Variants in TSPAN18 observed in about 807,000 individuals in gnomAD.
TSPAN18 encodes the protein tetraspanin 18, also known as tetraspanin-18.
A neutral mutation model predicts 27.3 loss-of-function variants in TSPAN18; 14 were observed. The observed-to-expected ratio is 0.51, with a 90% CI of 0.34 to 0.80. The LOEUF (loss-of-function observed/expected upper bound fraction) is 0.80, where lower values mean the gene tolerates loss of function less well. TSPAN18 is among the 30% of genes least tolerant of loss of function. The pLI, the probability that TSPAN18 is intolerant of heterozygous loss-of-function variation, is 0.01. For synonymous variants in TSPAN18, 143 were observed against 136.5 expected, an observed-to-expected ratio of 1.05 and a Z score of -0.33; for missense variants, 268 against 323.9, an observed-to-expected ratio of 0.83 and a Z score of 1.32.
intron 2 of TSPAN18, among the ~76,000 whole-genome samples, chr11:44,832,685 C>T (rs947475617): frequency 1.7e-4 from 26 of 152,280 alleles, no homozygotes; most frequent in African/African-American, 2.9e-4. Flanking sequence ...GTCGGGCTTC[C>T]GAAGCTGACC....
chr11:44,744,949 G>C (rs1855036388), intron 1 of TSPAN18, among the ~76,000 whole-genome samples: 1 of 152,206 alleles, frequency 6.6e-6, no homozygotes, highest in Non-Finnish European at 1.5e-5. Flanking sequence ...GCAGGAAGGA[G>C]TGCCAAGATC....
intron 1 of TSPAN18, among the ~76,000 whole-genome samples, chr11:44,730,382 C>T (rs1292424605): frequency 6.6e-6 from 1 of 152,148 alleles, no homozygotes; most frequent in African/African-American, 2.4e-5. Flanking sequence ...TCTATTTCAT[C>T]AGCCATTGAG....
chr11:44,765,665 G>A (rs772813067), intron 2 of TSPAN18, among the ~76,000 whole-genome samples: 1 of 152,152 alleles, frequency 6.6e-6, no homozygotes, highest in Non-Finnish European at 1.5e-5. Context: ...TAATGTCATC[G>A]AGATTTGAAG....
chr11:44,900,070 G>T (rs1343819157), intron 3 of TSPAN18, among the ~76,000 whole-genome samples: 1 of 152,208 alleles, frequency 6.6e-6, no homozygotes, highest in Non-Finnish European at 1.5e-5. Flanking sequence ...AGGAAACTGT[G>T]CCGTGAAGTT....
chr11:44,742,733 G>A (rs1244277669), intron 1 of TSPAN18, among the ~76,000 whole-genome samples: 1 of 152,204 alleles, frequency 6.6e-6, no homozygotes, highest in Admixed American at 6.5e-5. Context: ...CCAGCGTGCT[G>A]ACTCAGGCTT....
intron 3 of TSPAN18, among the ~76,000 whole-genome samples, chr11:44,875,117 C>T (rs1027574651): frequency 1.1e-4 from 17 of 152,214 alleles, no homozygotes; most frequent in Non-Finnish European, 2.9e-5. Context: ...GTACATTCTC[C>T]CCCGTGGGGC....
chr11:44,831,927 A>G (rs1857162766), intron 2 of TSPAN18, among the ~76,000 whole-genome samples: 1 of 152,148 alleles, frequency 6.6e-6, no homozygotes, highest in Admixed American at 6.5e-5. Flanking sequence ...GATCCAGGAT[A>G]AGAGGTTCTA....
chr11:44,798,165 A>C (rs1057503765), intron 2 of TSPAN18, among the ~76,000 whole-genome samples: 1 of 152,034 alleles, frequency 6.6e-6, no homozygotes, highest in African/African-American at 2.4e-5. Flanking sequence ...GCCCTCCCAC[A>C]CTCAGCTCTT....
At chr11:44,867,681 G>A (rs995330909) in intron 3 of TSPAN18, among the ~76,000 whole-genome samples, 6 of 152,104 alleles carry the variant, frequency 3.9e-5, no homozygotes, top group African/African-American at 1.2e-4. Context: ...TTACAGGTAC[G>A]AGCCACCACA....
intron 2 of TSPAN18, among the ~76,000 whole-genome samples, chr11:44,849,262 C>A (rs747968575): frequency 2.6e-5 from 4 of 152,126 alleles, no homozygotes; most frequent in Non-Finnish European, 5.9e-5. Flanking sequence ...TTTGTGAGCT[C>A]CCTGTGTTTT....
chr11:44,764,377 C>T (rs940133005), intron 1 of TSPAN18, 49 bp from the exon 2 acceptor site: 12 of 152,184 alleles, frequency 7.9e-5, no homozygotes, highest in African/African-American at 2.9e-4. Context: ...AGGTGGTCCC[C>T]AAGGACTCCT....
At chr11:44,917,809 GGT>G in intron 5 of TSPAN18, 161 bp from the exon 6 acceptor site, 1 of 622,934 alleles carries the variant, frequency 1.6e-6, no homozygotes, top group South Asian at 1.9e-5. Context: ...AGGAATCACT[GGT>G]GTGTTTGTTA....
intron 3 of TSPAN18, among the ~76,000 whole-genome samples, chr11:44,903,055 A>G (rs1859320358): frequency 6.6e-6 from 1 of 151,796 alleles, no homozygotes; most frequent in African/African-American, 2.4e-5. Context: ...GGGCACAGCC[A>G]CGACTCTGCT....
intron 1 of TSPAN18, among the ~76,000 whole-genome samples, chr11:44,752,797 T>C (rs1297433234): frequency 6.6e-6 from 1 of 152,228 alleles, no homozygotes; most frequent in East Asian, 1.9e-4. Flanking sequence ...TGCCTGAATA[T>C]GATGGCTGGA....
chr11:44,872,194 G>T (rs1590610926), intron 3 of TSPAN18, among the ~76,000 whole-genome samples: 1 of 152,136 alleles, frequency 6.6e-6, no homozygotes, highest in South Asian at 2.1e-4. Flanking sequence ...ACCTCCCAAA[G>T]TGCTAGGATT....
At chr11:44,728,040 A>G (rs760679371) in intron 1 of TSPAN18, among the ~76,000 whole-genome samples, 176 of 152,344 alleles carry the variant, frequency 1.2e-3, no homozygotes, top group Non-Finnish European at 2.2e-3. Context: ...GGCCCTCGCC[A>G]GCAGGAAGCG....
chr11:44,736,478 G>T (rs1854797288), intron 1 of TSPAN18: 1 of 152,202 alleles, frequency 6.6e-6, no homozygotes, highest in Non-Finnish European at 1.5e-5. Flanking sequence ...TTTCTTGCTT[G>T]ATGTTTTTCT....
intron 2 of TSPAN18, among the ~76,000 whole-genome samples, chr11:44,840,066 C>T (rs1013511913): frequency 1.8e-4 from 28 of 152,214 alleles, no homozygotes; most frequent in African/African-American, 4.6e-4. Context: ...CTTTGCTCTG[C>T]GCAAAACCAA....
At chr11:44,923,071 T>C (rs1056508655) in intron 8 of TSPAN18, among the ~76,000 whole-genome samples, 3 of 152,126 alleles carry the variant, frequency 2.0e-5, no homozygotes, top group African/African-American at 7.2e-5. Context: ...GTCATGCCAC[T>C]GTGCTTCAGC....
Sources: allele counts gnomAD v4.1 joint callset (sites outside exome capture counted in the v4.1 genomes callset), GRCh38; gene constraint gnomAD v4.1.1; transcripts MANE v1.5; gene names NCBI Gene and HGNC (gene_info 2026-07-23, HGNC 2026-07-21).